The following SYT9 variants were observed in gnomAD, a reference collection of about 807,000 sequenced individuals.
SYT9 encodes synaptotagmin-9.
A neutral mutation model predicts 48.4 loss-of-function variants in SYT9; 22 were observed. The observed-to-expected ratio is 0.45, with a 90% CI of 0.32 to 0.65. The LOEUF (loss-of-function observed/expected upper bound fraction) is 0.65, where lower values mean the gene tolerates loss of function less well. Among genes scored for constraint, SYT9 ranks in the 30% least tolerant of loss-of-function variants. The pLI, the probability that SYT9 is intolerant of heterozygous loss-of-function variation, is 0.03. For missense variants in SYT9, 577 were observed against 622.0 expected (o/e 0.93, Z 0.77); for synonymous variants, 265 against 245.0 (o/e 1.08, Z -0.76).
intron 1 of SYT9, among the ~76,000 whole-genome samples, chr11:7,269,270 T>C (rs1038108594): frequency 2.0e-5 from 3 of 152,030 alleles, no homozygotes; most frequent in Admixed American, 6.6e-5. Context: ...TGAGTAACTA[T>C]TTGGGAAAAA....
chr11:7,421,921 G>A (rs1847363170), intron 6 of SYT9, among the ~76,000 whole-genome samples: 1 of 152,226 alleles, frequency 6.6e-6, no homozygotes, highest in African/African-American at 2.4e-5. Flanking sequence ...GCTTAGAGGA[G>A]ATTGTGAAGC....
intron 6 of SYT9, among the ~76,000 whole-genome samples, chr11:7,446,698 A>G (rs1424319135): frequency 2.0e-5 from 3 of 152,200 alleles, no homozygotes; most frequent in Non-Finnish European, 2.9e-5. Flanking sequence ...GGGAAGCAGG[A>G]GGGGATGCCC....
At chr11:7,389,733 TCAGTGAAAACAAGTTATC>T (rs1252656913) in intron 3 of SYT9, among the ~76,000 whole-genome samples, 2 of 151,632 alleles carry the variant, frequency 1.3e-5, no homozygotes, top group Non-Finnish European at 2.9e-5. Context: ...CCAAGCGAGA[TCAGTGAAAACAAGTTATC>T]CAGATAACTT....
In SYT9 at chr11:7,376,374, C is replaced by T. The variant is rs74053611; in HGVS notation, c.1045-39668C>T. ...CTTCCTTCCTTCCTTCCTTCCTCCT[C>T]CCCTCCCCTCTCCTCTCCTCTCCTC... On this transcript the variant is annotated intron_variant, in intron 3 of 6. Transcript: ENST00000318881. 1.0e-3 allele frequency among the ~76,000 whole-genome samples: 123 copies of T among 118,858 alleles called. 1 individual carries two copies. The highest frequency in any genetic ancestry group is 3.5e-3 in the African/African-American group (114 of 32,444). 78.0% of individuals were successfully genotyped at this position (118,858 alleles called of 152,430 possible).
At chr11:7,284,864 A>C (rs16924357) in intron 1 of SYT9, among the ~76,000 whole-genome samples, 12,021 of 152,034 alleles carry the variant, frequency 0.079, 669 homozygotes, top group African/African-American at 0.15. Flanking sequence ...TCATATTCTT[A>C]GTGTCTTCAA....
intron 1 of SYT9, among the ~76,000 whole-genome samples, chr11:7,270,832 G>GACACAC (rs56891844): frequency 0.022 from 3,292 of 147,230 alleles, 67 homozygotes; most frequent in East Asian, 0.12. Context: ...ACAAGACACA[G>GACACAC]ACACACACAC....
chr11:7,334,278 G>A (rs1348275199), intron 3 of SYT9, among the ~76,000 whole-genome samples: 1 of 152,170 alleles, frequency 6.6e-6, no homozygotes, highest in East Asian at 1.9e-4. Context: ...GAGTCTTTAT[G>A]AGTAATTTTG....
intron 6 of SYT9, among the ~76,000 whole-genome samples, chr11:7,436,157 C>T (rs573160294): frequency 1.3e-5 from 2 of 152,344 alleles, no homozygotes; most frequent in South Asian, 4.1e-4. Context: ...TCCACCATCA[C>T]TATCCACTCC....
chr11:7,309,053 C>A (rs1849083451), intron 2 of SYT9, among the ~76,000 whole-genome samples: 1 of 152,224 alleles, frequency 6.6e-6, no homozygotes, highest in Non-Finnish European at 1.5e-5. Flanking sequence ...TTTGGGAAAT[C>A]TACTTTGCAC....
At chr11:7,368,361 T>TGTA (rs1850290729) in intron 3 of SYT9, among the ~76,000 whole-genome samples, 1 of 152,202 alleles carries the variant, frequency 6.6e-6, no homozygotes, top group African/African-American at 2.4e-5. Context: ...TTGTTGTTGT[T>TGTA]GTTTTACTTT....
chr11:7,284,593 G>T (rs934211843), intron 1 of SYT9, among the ~76,000 whole-genome samples: 3 of 151,822 alleles, frequency 2.0e-5, no homozygotes, highest in Admixed American at 6.6e-5. Context: ...AAGGCAGTCT[G>T]CTTCTAGATC....
intron 3 of SYT9, among the ~76,000 whole-genome samples, chr11:7,342,018 C>T (rs1849722382): frequency 6.6e-6 from 1 of 152,118 alleles, no homozygotes; most frequent in Non-Finnish European, 1.5e-5. Flanking sequence ...GCAACTTATT[C>T]ACTGCCATGA....
At chr11:7,405,923 G>A (rs1165802958) in intron 3 of SYT9, among the ~76,000 whole-genome samples, 1 of 152,132 alleles carries the variant, frequency 6.6e-6, no homozygotes, top group Non-Finnish European at 1.5e-5. Flanking sequence ...TTCATTAGAA[G>A]AGTCAACTAA....
intron 6 of SYT9, among the ~76,000 whole-genome samples, chr11:7,430,093 T>C (rs1847540856): frequency 6.6e-6 from 1 of 152,204 alleles, no homozygotes; most frequent in Non-Finnish European, 1.5e-5. Context: ...AAAATGAAGA[T>C]CTACACTCTT....
chr11:7,250,448 G>GC (rs1360759775), upstream of SYT9, among the ~76,000 whole-genome samples: 53 of 69,400 alleles, frequency 7.6e-4, no homozygotes, highest in Non-Finnish European at 8.6e-4. Context: ...TGTCCCCCCC[G>GC]CCACCCCCCC....
intron 6 of SYT9, among the ~76,000 whole-genome samples, chr11:7,441,895 C>A (rs992278107): frequency 3.3e-5 from 5 of 152,070 alleles, no homozygotes; most frequent in Non-Finnish European, 7.4e-5. Flanking sequence ...AAGAAAAACA[C>A]CATCCCCTTC....
intron 3 of SYT9, among the ~76,000 whole-genome samples, chr11:7,361,141 CT>C (rs1850129293): frequency 6.6e-6 from 1 of 151,396 alleles, no homozygotes; most frequent in South Asian, 2.1e-4. Flanking sequence ...TATATTTTTT[CT>C]TTATTTTTTC....
intron 1 of SYT9, among the ~76,000 whole-genome samples, chr11:7,262,025 G>A (rs1848089736): frequency 6.6e-6 from 1 of 152,204 alleles, no homozygotes; most frequent in South Asian, 2.1e-4. Flanking sequence ...GGGGAAGGTT[G>A]AAGTTAGGGA....
intron 3 of SYT9, among the ~76,000 whole-genome samples, chr11:7,411,369 A>C (rs981054366): frequency 6.6e-6 from 1 of 151,958 alleles, no homozygotes; most frequent in Non-Finnish European, 1.5e-5. Context: ...ATGATGGTAA[A>C]TGTTATCTTT....
Sources: allele counts gnomAD v4.1 joint callset (sites outside exome capture counted in the v4.1 genomes callset), GRCh38; gene constraint gnomAD v4.1.1; transcripts MANE v1.5; gene names NCBI Gene and HGNC (gene_info 2026-07-23, HGNC 2026-07-21).